The following ADGRE1 variants were observed in gnomAD, a reference collection of about 807,000 sequenced individuals.
The protein encoded by ADGRE1 is adhesion G protein-coupled receptor E1.
ADGRE1 carries 82 observed loss-of-function variants against 102.7 expected under a neutral mutation model. That is an observed-to-expected ratio of 0.80 (90% CI 0.67 to 0.96). The LOEUF (loss-of-function observed/expected upper bound fraction) is 0.96. Ranked by LOEUF, ADGRE1 falls within the 40% of genes least tolerant of loss-of-function variation. ADGRE1 has a pLI of 0.00. For synonymous variants in ADGRE1, 398 were observed against 399.6 expected (o/e 1.00, Z 0.05); for missense variants, 1,032 against 1,085.3 (o/e 0.95, Z 0.69).
chr19:6,917,321 A>C (rs73920244), intron 12 of ADGRE1, among the ~76,000 whole-genome samples: 5,096 of 152,316 alleles, frequency 0.033, 272 homozygotes, highest in African/African-American at 0.11. Flanking sequence ...AGGTAGAGAA[A>C]GCAGGAGAGA....
chr19:6,933,657 G>T lies in ADGRE1; in HGVS notation c.2290-1330G>T, dbSNP rs56803222. On this transcript the variant is annotated intron_variant, in intron 17 of 20. Transcript: ENST00000312053. The stretch of plus-strand genomic sequence containing the variant: ...CCACCTTGGCCTCCCAATGTGCTGG[G>T]ATTACAGGCATGAGCCACCGCTCCC... Among the ~76,000 whole-genome samples, 422 of 152,238 alleles carry T rather than the reference G, an allele frequency of 2.8e-3. 2 individuals are homozygous for T. Among genetic ancestry groups the T allele is most frequent in the African/African-American group, 9.6e-3 (397 of 41,566 alleles).
chr19:6,898,816 G>T, intron 5 of ADGRE1: 1 of 428,982 alleles, frequency 2.3e-6, no homozygotes, highest in East Asian at 3.7e-5. Context: ...AAAATATATA[G>T]TTGCCTATAT....
At chr19:6,895,081 T>C (rs1179702323) in intron 2 of ADGRE1, 1 of 152,246 alleles carries the variant, frequency 6.6e-6, no homozygotes, top group Non-Finnish European at 1.5e-5. Flanking sequence ...CAACCTTGCC[T>C]AGGAGGTCAT....
intron 9 of ADGRE1, among the ~76,000 whole-genome samples, 197 bp from the exon 10 acceptor site, chr19:6,908,492 T>C (rs930064011): frequency 1.4e-4 from 21 of 152,156 alleles, no homozygotes; most frequent in African/African-American, 5.1e-4. Context: ...GCTTTTTTTA[T>C]TCATGGAAGG....
chr19:6,918,333 C>T (rs867593991), intron 12 of ADGRE1, among the ~76,000 whole-genome samples: 13 of 151,056 alleles, frequency 8.6e-5, no homozygotes, highest in Non-Finnish European at 1.3e-4. Flanking sequence ...CCCAGCTACT[C>T]GGGAGGCTGA....
intron 2 of ADGRE1, among the ~76,000 whole-genome samples, chr19:6,893,648 C>T (rs1473677968): frequency 6.6e-6 from 1 of 152,228 alleles, no homozygotes; most frequent in African/African-American, 2.4e-5. Flanking sequence ...TGCTGCTCTC[C>T]AGCAGATGTG....
chr19:6,891,599 G>A (rs1042929168), intron 2 of ADGRE1, among the ~76,000 whole-genome samples: 8 of 151,918 alleles, frequency 5.3e-5, no homozygotes, highest in Middle Eastern at 3.4e-3. Context: ...GACTACAGGC[G>A]CCCGCCACCA....
At chr19:6,919,831 C>G in intron 13 of ADGRE1, 84 bp downstream of exon 13, 1 of 1,390,598 alleles carries the variant, frequency 7.2e-7, no homozygotes, top group Non-Finnish European at 1.0e-6. Flanking sequence ...TCATTTTTTA[C>G]GGGAAGCTAT....
rs915952414 is a variant in ADGRE1, at chr19:6,937,615, C to G, written c.2622C>G (p.Ile874Met). ...GCTCCCAGTCCCAGACCTCAAGGAT[C>G]TTGCTGTCCTCCATGCCATCCGCTT... ...KPSSQSQTSR[I>M]LLSSMPSASK... Residue 874 changes from isoleucine (I) to methionine (M), a missense_variant, in exon 20 of 21, where the codon ATC becomes ATG. Ile to Met is a conservative substitution (Grantham distance 10, BLOSUM62 1). Coordinates refer to ENST00000312053, the MANE Select transcript of ADGRE1 (RefSeq NM_001974.5). 2 of 1,614,120 alleles carry G rather than the reference C, an allele frequency of 1.2e-6. No homozygotes were observed. Among genetic ancestry groups the G allele is most frequent in the Middle Eastern group, 1.6e-4 (1 of 6,062 alleles).
chr19:6,890,820 A>C (rs1374678381), intron 2 of ADGRE1, among the ~76,000 whole-genome samples: 1 of 152,198 alleles, frequency 6.6e-6, no homozygotes, highest in Non-Finnish European at 1.5e-5. Flanking sequence ...TGAAACTTTA[A>C]TTCAAAGAGG....
At position 6,922,951 on chromosome 19, in the gene ADGRE1, C is replaced by T. The variant is rs192102695; in HGVS notation, c.1791+1068C>T. Among the ~76,000 whole-genome samples, 1,121 of 152,130 alleles carry T rather than the reference C, an allele frequency of 7.4e-3. 7 individuals are homozygous for T. Among genetic ancestry groups the T allele is most frequent in the Non-Finnish European group, 0.013 (868 of 67,990 alleles). On this transcript the variant is annotated intron_variant, in intron 14 of 20. Coordinates refer to ENST00000312053, the MANE Select transcript of ADGRE1 (RefSeq NM_001974.5). ...AATTAGCCGGGCGTGGTGGCGGGCA[C>T]CTGCAGTCCAAGCTACTCGGGAGGC...
intron 8 of ADGRE1, among the ~76,000 whole-genome samples, chr19:6,906,211 A>G (rs1163337974): frequency 6.6e-6 from 1 of 152,210 alleles, no homozygotes; most frequent in East Asian, 1.9e-4. Context: ...TCTAAGAGGC[A>G]TGATATTGAG....
In ADGRE1 at chr19:6,935,120, T is replaced by C. The variant is rs775519264; in HGVS notation, c.2381+42T>C. The stretch of plus-strand genomic sequence containing the variant: ...CCTCCCCCCCTCTTTTAATTTCCTC[T>C]TTCTTCTTCCCAGAAAAGTTCTTTG... On this transcript the variant is annotated intron_variant, in intron 18 of 20. Coordinates refer to ENST00000312053, the MANE Select transcript of ADGRE1 (RefSeq NM_001974.5). 19 of 1,495,636 alleles carry C rather than the reference T, an allele frequency of 1.3e-5. No homozygotes were observed. In the Admixed American group the frequency reaches 3.8e-4, roughly 30 times the overall value. The allele number at this position is 1,495,636 out of a possible 1,614,324, so 92.6% of individuals were successfully genotyped here.
chr19:6,904,762 T>G (rs1599726348), intron 8 of ADGRE1, among the ~76,000 whole-genome samples: 1 of 152,182 alleles, frequency 6.6e-6, no homozygotes, highest in African/African-American at 2.4e-5. Context: ...CGCCTCGGCC[T>G]CCCAAAGTGC....
chr19:6,897,071 CTTT>C (rs11397719), intron 3 of ADGRE1, 75 bp from the exon 4 acceptor site: 5,926 of 767,310 alleles, frequency 7.7e-3, no homozygotes, highest in Non-Finnish European at 8.2e-3. Context: ...ATTGTTTTAA[CTTT>C]TTTTTTTTTT....
In ADGRE1 at chr19:6,921,820, T is replaced by C. The variant is rs61733004; in HGVS notation, c.1728T>C (p.Tyr576=). 1.9e-6 allele frequency: 3 copies of C among 1,614,206 alleles called. No homozygotes were observed. Among genetic ancestry groups the C allele is most frequent in the Non-Finnish European group, 2.5e-6 (3 of 1,180,026 alleles). Residue 576 remains tyrosine (Y), a synonymous_variant, in exon 14 of 21, where the codon TAT becomes TAC. Transcript: ENST00000312053. ...TGATCCTGGAAGCTTCTGAGACATATACCATCTGCAGCTGTAATCAGATGG... is the reference window on the plus strand; with the variant it reads ...TGATCCTGGAAGCTTCTGAGACATACACCATCTGCAGCTGTAATCAGATGG... ...GCVILEASET[Y]TICSCNQMAN...
intron 1 of ADGRE1, among the ~76,000 whole-genome samples, chr19:6,889,882 C>G (rs1180319769): frequency 1.3e-5 from 2 of 151,828 alleles, no homozygotes; most frequent in Non-Finnish European, 2.9e-5. Context: ...ATATATCACC[C>G]CTTTTGAGAA....
intron 14 of ADGRE1, among the ~76,000 whole-genome samples, chr19:6,922,234 C>T (rs1303804591): frequency 6.6e-6 from 1 of 152,048 alleles, no homozygotes; most frequent in Non-Finnish European, 1.5e-5. Flanking sequence ...AGTCCTGAAG[C>T]TAGAAATTGG....
intron 10 of ADGRE1, among the ~76,000 whole-genome samples, chr19:6,911,226 C>T (rs1424659336): frequency 2.0e-5 from 3 of 151,970 alleles, no homozygotes; most frequent in Non-Finnish European, 2.9e-5. Context: ...CCGCTTACCC[C>T]GTGTTTATTG....
Sources: allele counts gnomAD v4.1 joint callset (sites outside exome capture counted in the v4.1 genomes callset), GRCh38; gene constraint gnomAD v4.1.1; transcripts MANE v1.5; gene names NCBI Gene and HGNC (gene_info 2026-07-23, HGNC 2026-07-21).